Variants in RTTN observed in about 807,000 individuals in gnomAD.
RTTN encodes rotatin.
In RTTN, 182 loss-of-function variants were observed where a neutral mutation model predicts 269.2. The observed-to-expected ratio is 0.68, with a 90% CI of 0.60 to 0.76. The LOEUF is 0.76. Among genes scored for constraint, RTTN ranks in the 30% least tolerant of loss-of-function variants. The pLI is 0.00. For missense variants in RTTN, 2,545 were observed against 2,608.6 expected (o/e 0.98, Z 0.53); for synonymous variants, 1,006 against 963.5 (o/e 1.04, Z -0.82).
chr18:70,013,038 G>A (rs983202135), intron 46 of RTTN, among the ~76,000 whole-genome samples: 5 of 152,186 alleles, frequency 3.3e-5, no homozygotes, highest in South Asian at 2.1e-4. Flanking sequence ...GTGATGTTTC[G>A]GGCACGCTGC....
intron 17 of RTTN, among the ~76,000 whole-genome samples, chr18:70,147,290 C>A (rs1326517155): frequency 6.6e-6 from 1 of 152,026 alleles, no homozygotes; most frequent in South Asian, 2.1e-4. Context: ...TTTTCTAAAC[C>A]TTTTCTATGT....
chr18:70,203,099 G>A (rs919160178), intron 3 of RTTN, among the ~76,000 whole-genome samples: 2 of 152,058 alleles, frequency 1.3e-5, no homozygotes, highest in African/African-American at 4.8e-5. Context: ...AACAGCAGCA[G>A]CACAGCAGCC....
intron 46 of RTTN, chr18:70,007,227 C>A (rs1186430961): frequency 6.6e-6 from 1 of 152,350 alleles, no homozygotes; most frequent in East Asian, 1.9e-4. Context: ...GCATTCCGGC[C>A]CAGATACTAC....
At position 70,135,172 on chromosome 18, in the gene RTTN, C is replaced by T. The variant is rs1384102313; in HGVS notation, c.2885+12G>A. The T allele has an allele frequency of 5.6e-6, 8 of 1,416,486 alleles. No individual in the cohort carries two copies. Among genetic ancestry groups the T allele is most frequent in the East Asian group, 2.5e-5 (1 of 39,896 alleles). 87.7% of individuals were successfully genotyped at this position (1,416,486 alleles called of 1,614,324 possible). A position where few individuals can be genotyped will look rare whatever the true frequency, so the allele number is the denominator to read the frequency against. ...GTTAAGAGTAAAAAACTTATAAATTCTTATATCTCACCACATATCCATTCT... is the reference window on the plus strand; with the variant it reads ...GTTAAGAGTAAAAAACTTATAAATTTTTATATCTCACCACATATCCATTCT... On this transcript the variant is annotated intron_variant, in intron 22 of 48. Coordinates refer to ENST00000640769, the MANE Select transcript of RTTN (RefSeq NM_173630.4).
rs878898432 is a variant in RTTN at position 70,139,985 on chromosome 18, G to A, written c.2670+115C>T. Reference sequence around the variant, plus strand: ...AAAAAAAAAAATGAATGAGATAGGAGGTGTTACTTAGAATTTAAAATCCAA... The same window carrying A: ...AAAAAAAAAAATGAATGAGATAGGAAGTGTTACTTAGAATTTAAAATCCAA... On this transcript the variant is annotated intron_variant, in intron 20 of 48. Transcript: ENST00000640769. 4 of 734,282 alleles carry A rather than the reference G, an allele frequency of 5.4e-6. No homozygotes were observed. The Admixed American group carries it at 8.5e-5, about 16-fold the overall frequency. 45.5% of individuals were successfully genotyped at this position (734,282 alleles called of 1,614,324 possible).
rs934269541 is a variant in RTTN at position 70,092,160 on chromosome 18, G to A, written c.4093C>T (p.Gln1365Ter). ...GGAATCAACCAAGCCAATCCTTGTT[G>A]AGTAGGAATATGTTCTTCACTATGA... is the stretch of plus-strand genomic sequence containing the variant. ...GSHSEEHIPT[Q>*]QGLAWLIPLW... Residue 1365 changes from glutamine to a stop codon, truncating the protein, a stop_gained, in exon 30 of 49, where the codon CAA (glutamine) becomes TAA (stop). Coordinates refer to ENST00000640769, the MANE Select transcript of RTTN (RefSeq NM_173630.4). LOFTEE classifies it high-confidence loss of function. 1 of 1,613,482 alleles carries A rather than the reference G, an allele frequency of 6.2e-7. No individual in the cohort carries two copies. The highest frequency in any genetic ancestry group is 8.5e-7 in the Non-Finnish European group (1 of 1,179,672).
At chr18:70,178,562 TGA>T (rs2061354341) in intron 10 of RTTN, among the ~76,000 whole-genome samples, 1 of 152,086 alleles carries the variant, frequency 6.6e-6, no homozygotes. Flanking sequence ...CAAAAACTTT[TGA>T]GAGTAGACCA....
intron 14 of RTTN, among the ~76,000 whole-genome samples, chr18:70,164,931 A>T (rs1305350966): frequency 6.6e-6 from 1 of 152,214 alleles, no homozygotes; most frequent in Non-Finnish European, 1.5e-5. Flanking sequence ...GAAAAAAATT[A>T]AAAGAAATCA....
At chr18:70,203,715 C>G (rs1436687763) in intron 3 of RTTN, among the ~76,000 whole-genome samples, 1 of 152,140 alleles carries the variant, frequency 6.6e-6, no homozygotes, top group Non-Finnish European at 1.5e-5. Flanking sequence ...TGAGCTAGGA[C>G]AGATATCATT....
At chr18:70,107,730 A>G (rs2145421527) in intron 28 of RTTN, among the ~76,000 whole-genome samples, 1 of 152,368 alleles carries the variant, frequency 6.6e-6, no homozygotes, top group South Asian at 2.1e-4. Flanking sequence ...GAGAGGCTCA[A>G]CAAAGCCAAA....
intron 14 of RTTN, among the ~76,000 whole-genome samples, chr18:70,154,264 T>C (rs2060616288): frequency 6.6e-6 from 1 of 152,044 alleles, no homozygotes; most frequent in African/African-American, 2.4e-5. Context: ...TGGATGTTAA[T>C]TTTTTAGAAC....
chr18:70,126,165 C>T lies in RTTN; in HGVS notation c.3383+1337G>A, dbSNP rs142278269. ...TACTGCTATTGGGCAATTTGAAATA[C>T]TCTAAAGGCTTCCACTGACCCACAG... On this transcript the variant is annotated intron_variant, in intron 25 of 48. Coordinates refer to ENST00000640769, the MANE Select transcript of RTTN (RefSeq NM_173630.4). 1.6e-4 allele frequency among the ~76,000 whole-genome samples: 25 copies of T among 152,220 alleles called. 1 individual carries two copies. The East Asian group carries it at 4.8e-3, about 29-fold the overall frequency.
intron 28 of RTTN, among the ~76,000 whole-genome samples, chr18:70,093,707 T>G (rs2058917536): frequency 6.6e-6 from 1 of 151,822 alleles, no homozygotes; most frequent in African/African-American, 2.4e-5. Flanking sequence ...GGTTTGCCAG[T>G]CTTTTATTGA....
intron 45 of RTTN, chr18:70,019,974 T>C (rs1416258781): frequency 6.6e-6 from 1 of 152,252 alleles, no homozygotes; most frequent in Non-Finnish European, 1.5e-5. Context: ...AAGTAGTATA[T>C]AATCTGATTA....
In RTTN at chr18:70,092,679, G is replaced by A. The variant is rs1030184279; in HGVS notation, c.4029C>T (p.Ser1343=). The A allele has an allele frequency of 4.3e-6, 7 of 1,611,900 alleles. No homozygotes were observed. In the African/African-American group the frequency reaches 9.3e-5, roughly 22 times the overall value. ...LSHEMMAQAG[S]LEWMSLWFLP... is the part of the protein sequence containing the mutation. ...TAGACAGCTTTAACGCGCTCACCAA[G>A]CTCCCAGCCTGGGCCATCATCTCAT... Residue 1343 remains serine, a synonymous_variant, in exon 29 of 49, where the codon AGC becomes AGT. Coordinates refer to ENST00000640769, the MANE Select transcript of RTTN (RefSeq NM_173630.4).
At chr18:70,195,329 G>A (rs1217660657) in intron 7 of RTTN, among the ~76,000 whole-genome samples, 1 of 152,226 alleles carries the variant, frequency 6.6e-6, no homozygotes, top group Non-Finnish European at 1.5e-5. Context: ...TATCCTAAAT[G>A]AAGCTATGTT....
chr18:70,014,036 AG>A (rs1271706417), intron 46 of RTTN, among the ~76,000 whole-genome samples: 2 of 152,226 alleles, frequency 1.3e-5, no homozygotes, highest in Non-Finnish European at 2.9e-5. Flanking sequence ...ATGTATATTA[AG>A]TTTTCAATTT....
chr18:70,166,302 T>G, intron 13 of RTTN, 114 bp from the exon 14 acceptor site: 1 of 1,013,612 alleles, frequency 9.9e-7, no homozygotes, highest in Non-Finnish European at 1.5e-6. Flanking sequence ...AACTGAGATC[T>G]TATTAAAAAT....
chr18:70,172,001 G>A (rs1360007399), intron 11 of RTTN, among the ~76,000 whole-genome samples: 7 of 152,086 alleles, frequency 4.6e-5, no homozygotes, highest in African/African-American at 1.7e-4. Flanking sequence ...TTCTTCCTTA[G>A]CCTTGGTAAG....
Sources: allele counts gnomAD v4.1 joint callset (sites outside exome capture counted in the v4.1 genomes callset), GRCh38; gene constraint gnomAD v4.1.1; transcripts MANE v1.5; gene names NCBI Gene and HGNC (gene_info 2026-07-23, HGNC 2026-07-21).